The following BACH1 variants were observed in gnomAD, a reference collection of about 807,000 sequenced individuals.
BACH1 encodes transcription regulator protein BACH1.
BACH1 carries 35 observed loss-of-function variants against 52.9 expected under a neutral mutation model. The observed-to-expected ratio is 0.66, with a 90% CI of 0.51 to 0.88. The LOEUF (loss-of-function observed/expected upper bound fraction) is 0.88. Ranked by LOEUF, BACH1 falls within the 40% of genes least tolerant of loss-of-function variation. BACH1 has a pLI of 0.00. For missense variants in BACH1, 808 were observed against 872.6 expected (o/e 0.93, Z 0.93); for synonymous variants, 321 against 319.6 (o/e 1.00, Z -0.05).
chr21:29,300,745 G>T (rs965358540), intron 1 of BACH1: 2 of 152,168 alleles, frequency 1.3e-5, no homozygotes, highest in Admixed American at 6.5e-5. Context: ...TAAAAATTTG[G>T]TTATGAGTAC....
intron 1 of BACH1, among the ~76,000 whole-genome samples, chr21:29,314,263 C>A (rs1271618009): frequency 6.6e-6 from 1 of 152,114 alleles, no homozygotes; most frequent in Non-Finnish European, 1.5e-5. Context: ...ATCTTTGTTC[C>A]AGTATTTACT....
intron 4 of BACH1, among the ~76,000 whole-genome samples, chr21:29,332,947 A>G (rs2123460215): frequency 6.6e-6 from 1 of 152,242 alleles, no homozygotes; most frequent in Non-Finnish European, 1.5e-5. Flanking sequence ...AAATAACCCC[A>G]GAGAAGTTGT....
At chr21:29,321,579 G>A (rs1052911101) in intron 2 of BACH1, 65 bp downstream of exon 2, 2 of 1,439,456 alleles carry the variant, frequency 1.4e-6, no homozygotes, top group African/African-American at 2.9e-5. Context: ...GGTTCATAAT[G>A]TTGAAAATAA....
chr21:29,342,736 C>A lies in BACH1; in HGVS notation c.2114C>A (p.Thr705Asn), dbSNP rs371644002. The A allele has an allele frequency of 1.2e-5, 19 of 1,614,078 alleles. No homozygotes were observed. Among genetic ancestry groups the A allele is most frequent in the Admixed American group, 3.3e-5 (2 of 60,008 alleles). Residue 705 changes from threonine (T) to asparagine (N), a missense_variant, in exon 5 of 5, where the codon ACC becomes AAC. By Grantham distance (65) the Thr-to-Asn change is moderately conservative (BLOSUM62 0). Coordinates refer to ENST00000286800, the MANE Select transcript of BACH1 (RefSeq NM_001186.4). ...GQESQQMSTA[T>N]SEQAGPAEQC... The stretch of plus-strand genomic sequence containing the variant: ...GAGTCCCAGCAGATGTCCACAGCCA[C>A]CTCTGAGCAAGCTGGGCCTGCGGAA...
chr21:29,354,468 G>T (rs2089221778), intron 2 of BACH1, among the ~76,000 whole-genome samples: 1 of 152,200 alleles, frequency 6.6e-6, no homozygotes, highest in African/African-American at 2.4e-5. Context: ...GCTGTAGTCA[G>T]ACAAGAAGTT....
intron 1 of BACH1, among the ~76,000 whole-genome samples, chr21:29,301,304 C>G (rs1049533400): frequency 3.9e-5 from 6 of 152,148 alleles, no homozygotes; most frequent in African/African-American, 1.4e-4. Context: ...AAGATGCAGA[C>G]TAACAATCGT....
intron 1 of BACH1, among the ~76,000 whole-genome samples, chr21:29,317,493 A>C (rs1186990296): frequency 6.6e-6 from 1 of 152,218 alleles, no homozygotes; most frequent in African/African-American, 2.4e-5. Context: ...CCCTGAAATC[A>C]GTAGGAGCTT....
At chr21:29,315,453 C>T (rs2088774914) in intron 1 of BACH1, among the ~76,000 whole-genome samples, 1 of 152,122 alleles carries the variant, frequency 6.6e-6, no homozygotes, top group Non-Finnish European at 1.5e-5. Flanking sequence ...TGATGTTAGG[C>T]AGAAACAGTG....
At position 29,321,336 on chromosome 21, in the gene BACH1, A is replaced by T; in HGVS notation, c.56A>T (p.Asn19Ile). The change falls in exon 2 of 5, where the codon AAT becomes ATT. Residue 19 changes from asparagine (N) to isoleucine (I), a missense_variant. Asn to Ile is a moderately radical substitution (Grantham distance 149). Coordinates refer to ENST00000286800, the MANE Select transcript of BACH1 (RefSeq NM_001186.4). ...TATGAATCTTCTGTGCATAGCACCAATGTTTTACTCAGCCTTAATGACCAG... is the reference window on the plus strand; with the variant it reads ...TATGAATCTTCTGTGCATAGCACCATTGTTTTACTCAGCCTTAATGACCAG... ...FAYESSVHST[N>I]VLLSLNDQRK... 1 of 1,614,230 alleles carries T rather than the reference A, an allele frequency of 6.2e-7. No homozygotes were observed. The highest frequency in any genetic ancestry group is 8.5e-7 in the Non-Finnish European group (1 of 1,180,040).
In BACH1 at chr21:29,326,165, G is replaced by A. The variant is rs146449771; in HGVS notation, c.341G>A (p.Ser114Asn). 1.9e-6 allele frequency: 3 copies of A among 1,614,196 alleles called. No individual in the cohort carries two copies. Among genetic ancestry groups the A allele is most frequent in the Middle Eastern group, 1.6e-4 (1 of 6,062 alleles). ...DEVCKCVEFL[S>N]VHNIEESCFQ... ...GTGTGCAAATGTGTGGAGTTTTTAA[G>A]TGTACATAATATTGAGGAATCCTGC... Residue 114 changes from serine to asparagine, a missense_variant, in exon 3 of 5, where the codon AGT becomes AAT. Physicochemically the swap from Ser to Asn is conservative, Grantham distance 46. Transcript: ENST00000286800.
chr21:29,321,141 T>C, intron 1 of BACH1, 80 bp from the exon 2 acceptor site: 4 of 711,230 alleles, frequency 5.6e-6, no homozygotes, highest in Non-Finnish European at 9.3e-6. Flanking sequence ...TTTTAATGAG[T>C]ATGTATCTTA....
chr21:29,323,832 C>T (rs1193115464), intron 2 of BACH1, among the ~76,000 whole-genome samples: 1 of 152,098 alleles, frequency 6.6e-6, no homozygotes, highest in Admixed American at 6.5e-5. Context: ...GTATTACAAC[C>T]AGGATATTGA....
intron 1 of BACH1, among the ~76,000 whole-genome samples, chr21:29,320,464 C>G (rs1048489772): frequency 2.0e-5 from 3 of 151,968 alleles, no homozygotes; most frequent in African/African-American, 4.8e-5. Context: ...TATTTGGAGG[C>G]TATTATATGT....
At chr21:29,349,093 CA>C (rs35556925), downstream of BACH1, among the ~76,000 whole-genome samples, 13,617 of 122,228 alleles carry the variant, frequency 0.11, 810 homozygotes, top group Middle Eastern at 0.19. Flanking sequence ...GACTCCGTCT[CA>C]AAAAAAAAAA....
chr21:29,314,737 T>C (rs1169103095), intron 1 of BACH1, among the ~76,000 whole-genome samples: 1 of 152,302 alleles, frequency 6.6e-6, no homozygotes, highest in East Asian at 1.9e-4. Flanking sequence ...GTTCAAACTT[T>C]TTTTTTTGTT....
chr21:29,357,344 A>G (rs773385655), intron 2 of BACH1, among the ~76,000 whole-genome samples: 1 of 152,160 alleles, frequency 6.6e-6, no homozygotes, highest in Admixed American at 6.5e-5. Flanking sequence ...CTTCTAAGAG[A>G]TCATGTCAGG....
intron 1 of BACH1, among the ~76,000 whole-genome samples, chr21:29,312,823 T>A (rs967882287): frequency 1.3e-5 from 2 of 152,192 alleles, no homozygotes; most frequent in African/African-American, 4.8e-5. Flanking sequence ...TTTTAGATGT[T>A]GGTTCTCCCC....
rs10595449 is a variant in BACH1, at chr21:29,344,634, TTGTGTGTGTGTGTG to T, written c.*1823_*1836del. The T allele has an allele frequency of 4.1e-4, 61 of 149,316 alleles. No homozygotes were observed. The highest frequency in any genetic ancestry group is 1.3e-3 in the African/African-American group (54 of 40,750). 9.2% of individuals were successfully genotyped at this position (149,316 alleles called of 1,614,324 possible). ...AGTGCATCCCATACTGCAAAAGAATTTGTGTGTGTGTGTGTGTGTGTGTGTGTGTGTGTGTATGT... is the reference window on the plus strand; with the variant it reads ...AGTGCATCCCATACTGCAAAAGAATTTGTGTGTGTGTGTGTGTGTGTATGT... On this transcript the variant is annotated 3_prime_UTR_variant, in exon 5 of 5. Coordinates refer to ENST00000286800, the MANE Select transcript of BACH1 (RefSeq NM_001186.4).
intron 4 of BACH1, among the ~76,000 whole-genome samples, chr21:29,336,330 T>A (rs1288345705): frequency 1.3e-5 from 2 of 152,222 alleles, no homozygotes; most frequent in African/African-American, 4.8e-5. Flanking sequence ...GTTTAAACAT[T>A]CACTGGTGTT....
Sources: gnomAD v4.1 joint callset for allele counts (sites outside exome capture counted in the v4.1 genomes callset) on GRCh38, gnomAD v4.1.1 for gene constraint, MANE v1.5 for transcripts, NCBI Gene and HGNC (gene_info 2026-07-23, HGNC 2026-07-21) for gene names.